Variants in STRADB observed in about 807,000 individuals in gnomAD.
STRADB encodes STE20-related kinase adapter protein beta.
Under a neutral mutation model 52.1 loss-of-function variants are expected in STRADB, and 34 were observed. The observed-to-expected ratio is 0.65, with a 90% CI of 0.50 to 0.87. The LOEUF (loss-of-function observed/expected upper bound fraction) is 0.87. Ranked by LOEUF, STRADB falls within the 40% of genes least tolerant of loss-of-function variation. The pLI, the probability that STRADB is intolerant of heterozygous loss-of-function variation, is 0.00. For missense variants in STRADB, 340 were observed against 483.9 expected, an observed-to-expected ratio of 0.70 and a Z score of 2.79; for synonymous variants, 133 against 174.5, an observed-to-expected ratio of 0.76 and a Z score of 1.87.
At chr2:201,473,286 G>T (rs1254605217) in intron 5 of STRADB, among the ~76,000 whole-genome samples, 1 of 152,162 alleles carries the variant, frequency 6.6e-6, no homozygotes, top group Non-Finnish European at 1.5e-5. Flanking sequence ...TAAAGTATAT[G>T]GGAGGATGTG....
At chr2:201,457,365 G>A (rs1445143449) in intron 2 of STRADB, 1 of 152,122 alleles carries the variant, frequency 6.6e-6, no homozygotes, top group Non-Finnish European at 1.5e-5. Context: ...TATTATAAAT[G>A]TTATTCACCC....
intron 3 of STRADB, among the ~76,000 whole-genome samples, chr2:201,463,643 A>G (rs1469299076): frequency 2.0e-5 from 3 of 152,098 alleles, no homozygotes; most frequent in Non-Finnish European, 4.4e-5. Context: ...CTAGGCTTGG[A>G]AAGTTCTGTG....
intron 7 of STRADB, among the ~76,000 whole-genome samples, chr2:201,476,499 T>C (rs144962855): frequency 2.0e-4 from 31 of 152,140 alleles, no homozygotes; most frequent in Non-Finnish European, 4.4e-4. Flanking sequence ...GTGTTTGGTA[T>C]CGAAAAACAA....
At chr2:201,459,749 T>G (rs1302375154) in intron 3 of STRADB, among the ~76,000 whole-genome samples, 1 of 152,198 alleles carries the variant, frequency 6.6e-6, no homozygotes, top group African/African-American at 2.4e-5. Context: ...GCTTTGAAAC[T>G]TCCATTGGCT....
chr2:201,472,853 C>T (rs1952412003), intron 4 of STRADB, 102 bp from the exon 5 acceptor site: 1 of 1,180,348 alleles, frequency 8.5e-7, no homozygotes, highest in Non-Finnish European at 1.2e-6. Flanking sequence ...ATTTTCTTAA[C>T]AGTACTTTTT....
At position 201,473,008 on chromosome 2, in the gene STRADB, G is replaced by A. The variant is rs893272636; in HGVS notation, c.247G>A (p.Gly83Arg). The A allele has an allele frequency of 5.6e-6, 9 of 1,612,482 alleles. No individual in the cohort carries two copies. The Admixed American group carries it at 1.0e-4, about 18-fold the overall frequency. ...CCATCTTGCACGGCATACTCCCACA[G>A]GAACACTGGTAACTATAAAAATTAC... ...SVHLARHTPT[G>R]TLVTIKITNL... The change falls in exon 5 of 12, where the codon GGA (glycine) becomes AGA (arginine). Residue 83 changes from glycine (G) to arginine (R), a missense_variant. Transcript: ENST00000194530.
chr2:201,459,451 T>A (rs1952178957), intron 3 of STRADB, among the ~76,000 whole-genome samples: 1 of 152,232 alleles, frequency 6.6e-6, no homozygotes, highest in Non-Finnish European at 1.5e-5. Flanking sequence ...CTTTGTCTAA[T>A]GAAAACTCAT....
At position 201,451,931 on chromosome 2, in the gene STRADB, C is replaced by G. The variant is rs991962567; in HGVS notation, c.-103C>G. 2.0e-5 allele frequency: 3 copies of G among 152,670 alleles called. No individual in the cohort carries two copies. Among genetic ancestry groups the G allele is most frequent in the African/African-American group, 7.2e-5 (3 of 41,422 alleles). The allele number at this position is 152,670 out of a possible 1,614,324, so 9.5% of individuals were successfully genotyped here. On this transcript the variant is annotated 5_prime_UTR_variant, in exon 1 of 12. Transcript: ENST00000194530. ...TGAAGAGAGTCGCTGGCCGTGGTCG[C>G]CGCTAGGGTAAAGACGGGAGGCAGG... is the stretch of plus-strand genomic sequence containing the variant.
In STRADB at chr2:201,474,565, A is replaced by G. The variant is rs553658395; in HGVS notation, c.316-82A>G. The G allele has an allele frequency of 6.0e-6, 7 of 1,171,216 alleles. No homozygotes were observed. In the East Asian group the frequency reaches 1.2e-4, roughly 20 times the overall value. The allele number at this position is 1,171,216 out of a possible 1,614,324, so 72.6% of individuals were successfully genotyped here. A position where few individuals can be genotyped will look rare whatever the true frequency, so the allele number is the denominator to read the frequency against. ...CTTTCACTAATAAGCACCCTTGAGT[A>G]TTAGCTGCCACGACCGCCATTTTCA... is the stretch of plus-strand genomic sequence containing the variant. On this transcript the variant is annotated intron_variant, in intron 5 of 11. Coordinates refer to ENST00000194530, the MANE Select transcript of STRADB (RefSeq NM_018571.6).
chr2:201,471,258 A>G (rs1015208542), intron 4 of STRADB, among the ~76,000 whole-genome samples: 1 of 152,238 alleles, frequency 6.6e-6, no homozygotes, highest in Non-Finnish European at 1.5e-5. Flanking sequence ...AGAATACCAT[A>G]TAGTTCCTCT....
In STRADB at chr2:201,477,715, G is replaced by T. The variant is rs562531133; in HGVS notation, c.645G>T (p.Arg215Ser). The change falls in exon 8 of 12, where the codon AGG (arginine) becomes AGT (serine). Residue 215 changes from arginine (R) to serine (S), a missense_variant. By Grantham distance (110) the Arg-to-Ser change is moderately radical. Coordinates refer to ENST00000194530, the MANE Select transcript of STRADB (RefSeq NM_018571.6). ...ATAGTTTGGTTAAGCATGGACAGAGGCATAGGGCTGTGTATGATTTCCCAC... is the reference window on the plus strand; with the variant it reads ...ATAGTTTGGTTAAGCATGGACAGAGTCATAGGGCTGTGTATGATTTCCCAC... ...HLHSLVKHGQ[R>S]HRAVYDFPQF... 1.2e-6 allele frequency: 2 copies of T among 1,613,762 alleles called. No homozygotes were observed. Among genetic ancestry groups the T allele is most frequent in the African/African-American group, 2.7e-5 (2 of 75,018 alleles).
At chr2:201,461,536 T>C (rs182864300) in intron 3 of STRADB, among the ~76,000 whole-genome samples, 1 of 152,356 alleles carries the variant, frequency 6.6e-6, no homozygotes, top group East Asian at 1.9e-4. Flanking sequence ...ATCAGATTGT[T>C]AGATTTTTTA....
intron 3 of STRADB, among the ~76,000 whole-genome samples, chr2:201,464,890 C>T (rs953825163): frequency 6.6e-6 from 1 of 152,236 alleles, no homozygotes; most frequent in Non-Finnish European, 1.5e-5. Flanking sequence ...AGGCCCATTG[C>T]AGAGTCCTGC....
chr2:201,471,012 C>T (rs1353313799), intron 4 of STRADB, among the ~76,000 whole-genome samples: 1 of 152,174 alleles, frequency 6.6e-6, no homozygotes, highest in Admixed American at 6.5e-5. Flanking sequence ...CGCTGGCCCC[C>T]TGCTGATAGC....
chr2:201,475,462 T>C (rs1952457556), intron 6 of STRADB, among the ~76,000 whole-genome samples, 157 bp from the exon 7 acceptor site: 1 of 152,208 alleles, frequency 6.6e-6, no homozygotes, highest in African/African-American at 2.4e-5. Context: ...TAAAGATTCT[T>C]GAAAGAAAAT....
intron 3 of STRADB, among the ~76,000 whole-genome samples, chr2:201,460,627 G>A (rs1952198904): frequency 1.3e-5 from 2 of 152,094 alleles, no homozygotes; most frequent in African/African-American, 4.8e-5. Flanking sequence ...TTGTCTTTCT[G>A]GGCCTGCCAT....
rs150615109 is a variant in STRADB at position 201,462,957 on chromosome 2, G to T, written c.93+4093G>T. 2.3e-3 allele frequency among the ~76,000 whole-genome samples: 355 copies of T among 152,302 alleles called. 2 individuals carry two copies. Among genetic ancestry groups the T allele is most frequent in the African/African-American group, 8.2e-3 (341 of 41,562 alleles). Reference sequence around the variant, plus strand: ...TCCCTTTAGCATTTCTTGTAGGAGAGGTCTGGCATTGATGAAATCCCTCAG... The same window carrying T: ...TCCCTTTAGCATTTCTTGTAGGAGATGTCTGGCATTGATGAAATCCCTCAG... On this transcript the variant is annotated intron_variant, in intron 3 of 11. Coordinates refer to ENST00000194530, the MANE Select transcript of STRADB (RefSeq NM_018571.6).
Position 201,477,730 on chromosome 2 carries a change from T to A in STRADB, c.660T>A (p.Tyr220Ter). The A allele has an allele frequency of 6.2e-7, 1 of 1,613,758 alleles. No homozygotes were observed. The highest frequency in any genetic ancestry group is 8.5e-7 in the Non-Finnish European group (1 of 1,179,656). Residue 220 changes from tyrosine to a stop codon, truncating the protein, a stop_gained, in exon 8 of 12, where the codon TAT becomes TAA. Transcript: ENST00000194530. LOFTEE classifies it high-confidence loss of function. ...ATGGACAGAGGCATAGGGCTGTGTA[T>A]GATTTCCCACAGTTCAGCACATCAG... Reference protein sequence around the residue: ...VKHGQRHRAVYDFPQFSTSVQ... With the variant: ...VKHGQRHRAV
chr2:201,464,776 A>G (rs745974894), intron 3 of STRADB, among the ~76,000 whole-genome samples: 5 of 152,268 alleles, frequency 3.3e-5, no homozygotes, highest in Middle Eastern at 6.8e-3. Flanking sequence ...GCTCTATTCT[A>G]CTGCAGCTGA....
Sources: allele counts gnomAD v4.1 joint callset (sites outside exome capture counted in the v4.1 genomes callset), GRCh38; gene constraint gnomAD v4.1.1; transcripts MANE v1.5; gene names NCBI Gene and HGNC (gene_info 2026-07-23, HGNC 2026-07-21).